The following CFAP92 variants were observed in gnomAD, a reference collection of about 807,000 sequenced individuals.
The protein encoded by CFAP92 is uncharacterized protein CFAP92.
CFAP92 carries 86 observed loss-of-function variants against 106.3 expected under a neutral mutation model. That is an observed-to-expected ratio of 0.81 (90% CI 0.68 to 0.97). The LOEUF (loss-of-function observed/expected upper bound fraction) is 0.97. Ranked by LOEUF, CFAP92 falls within the 50% of genes least tolerant of loss-of-function variation. The pLI is 0.00. For missense variants in CFAP92, 1,204 were observed against 1,283.8 expected (o/e 0.94, Z 0.95); for synonymous variants, 477 against 506.4 (o/e 0.94, Z 0.78).
rs1408781391 is a variant in CFAP92, at chr3:128,915,173, T to G, written c.3226A>C (p.Lys1076Gln). Residue 1076 changes from lysine to glutamine, a missense_variant, in exon 15 of 16, where the codon AAA (lysine) becomes CAA (glutamine). Transcript: ENST00000645291. Reference protein sequence around the residue: ...RHHVDFDLYKKPPPFLELLPS... With the variant: ...RHHVDFDLYKQPPPFLELLPS... ...AGCAGCTCGAGGAAAGGTGGTGGTT[T>G]CTTGTACAGATCAAAGTCCACGTGG... The G allele has an allele frequency of 1.8e-5, 27 of 1,536,174 alleles. No individual in the cohort carries two copies. Among genetic ancestry groups the G allele is most frequent in the Non-Finnish European group, 2.3e-5 (26 of 1,146,926 alleles).
At chr3:128,978,486 G>A (rs1363025648) in intron 4 of CFAP92, among the ~76,000 whole-genome samples, 1 of 152,176 alleles carries the variant, frequency 6.6e-6, no homozygotes, top group African/African-American at 2.4e-5. Context: ...CCAGCACTTT[G>A]AGAGGCTGAA....
At chr3:129,011,507 T>G in the CFAP92 span, among the ~76,000 whole-genome samples, 1 of 150,100 alleles carries the variant, frequency 6.7e-6, no homozygotes, top group East Asian at 2.0e-4. Context: ...GCCAAGATTG[T>G]GCCACTGTAC....
At chr3:128,952,804 G>C (rs1940941017) in intron 9 of CFAP92, among the ~76,000 whole-genome samples, 2 of 152,048 alleles carry the variant, frequency 1.3e-5, no homozygotes, top group Admixed American at 6.6e-5. Flanking sequence ...AAAGTAAATA[G>C]GCCGGGTGCG....
chr3:128,938,548 C>G (rs1204446213), intron 10 of CFAP92, among the ~76,000 whole-genome samples: 1 of 148,542 alleles, frequency 6.7e-6, no homozygotes, highest in East Asian at 2.0e-4. Context: ...GGCTGGAGTA[C>G]AGTGGCGCGA....
In CFAP92 at chr3:128,988,825, A is replaced by G; in HGVS notation, c.356T>C (p.Ile119Thr). 1 of 1,613,740 alleles carries G rather than the reference A, an allele frequency of 6.2e-7. No individual in the cohort carries two copies. The change falls in exon 3 of 16, where the codon ATT becomes ACT. Residue 119 changes from isoleucine to threonine, a missense_variant. By Grantham distance (89) the Ile-to-Thr change is moderately conservative. Transcript: ENST00000645291. ...ATCGTCCGGCAGAAGGAAATACTCA[A>G]TGTGGTAAAAACGACGCATCTTTGT... ...SVTKMRRFYH[I>T]EYFLLPDDEE...
chr3:128,921,836 C>G (rs939361595), intron 12 of CFAP92, among the ~76,000 whole-genome samples: 2 of 152,144 alleles, frequency 1.3e-5, no homozygotes, highest in African/African-American at 4.8e-5. Flanking sequence ...AAACATACAA[C>G]AATTGTCTCC....
At chr3:129,018,735 A>G in the CFAP92 span, among the ~76,000 whole-genome samples, 1 of 152,194 alleles carries the variant, frequency 6.6e-6, no homozygotes, top group Non-Finnish European at 1.5e-5. Flanking sequence ...CCTGCCCTTC[A>G]GGCAGTCCCT....
At chr3:128,978,218 C>G (rs1943287176) in intron 4 of CFAP92, 33 bp from the exon 5 acceptor site, 1 of 1,597,924 alleles carries the variant, frequency 6.3e-7, no homozygotes, top group East Asian at 2.2e-5. Context: ...ATCATTGACT[C>G]AATCAATCCA....
intron 4 of CFAP92, 165 bp from the exon 5 acceptor site, chr3:128,978,350 A>AAC: frequency 1.5e-6 from 1 of 648,690 alleles, no homozygotes; most frequent in Non-Finnish European, 2.6e-6. Flanking sequence ...AGTGCATATA[A>AAC]ATTATGTTTA....
rs376957597 is a variant in CFAP92, at chr3:128,987,652, CG to C, written c.630del (p.Gly211AlafsTer14). 58 of 1,613,984 alleles carry C rather than the reference CG, an allele frequency of 3.6e-5. 1 individual carries two copies. In the East Asian group the frequency reaches 1.1e-3, roughly 30 times the overall value. On this transcript the variant is annotated frameshift_variant, in exon 4 of 16. Transcript: ENST00000645291. LOFTEE classifies it high-confidence loss of function. ...AAAGCTCCCACGTCGTCTGTGAAGC[CG>C]GCAGTCTTTAATCGGTAATATCTGA... ...RKVRYYRLKT[A>X]GFTDDVGAFH...
intron 4 of CFAP92, among the ~76,000 whole-genome samples, chr3:128,980,795 T>C (rs1302147706): frequency 6.6e-6 from 1 of 152,218 alleles, no homozygotes; most frequent in Non-Finnish European, 1.5e-5. Context: ...AATTTGATCA[T>C]GAGACTGCAG....
At chr3:129,004,373 C>G (rs1944969825), upstream of CFAP92, among the ~76,000 whole-genome samples, 1 of 127,464 alleles carries the variant, frequency 7.8e-6, no homozygotes, top group African/African-American at 2.8e-5. Flanking sequence ...CACTCACCCC[C>G]CCCACCCACC....
chr3:128,944,972 C>G, intron 10 of CFAP92, 99 bp downstream of exon 10: 1 of 1,058,592 alleles, frequency 9.4e-7, no homozygotes. Context: ...GACTCACAGA[C>G]AAGGATGCTA....
At chr3:129,018,324 T>C in the CFAP92 span, among the ~76,000 whole-genome samples, 1 of 152,212 alleles carries the variant, frequency 6.6e-6, no homozygotes, top group African/African-American at 2.4e-5. Flanking sequence ...CCCTTATTTT[T>C]ATACAATCCA....
chr3:128,973,168 G>C (rs1576586568), intron 7 of CFAP92, among the ~76,000 whole-genome samples: 1 of 152,328 alleles, frequency 6.6e-6, no homozygotes. Context: ...TAAACACAAA[G>C]CTGGCAGATC....
At chr3:129,002,999 A>C (rs944969960), upstream of CFAP92, among the ~76,000 whole-genome samples, 1 of 152,122 alleles carries the variant, frequency 6.6e-6, no homozygotes, top group African/African-American at 2.4e-5. Context: ...ACACTTAAGC[A>C]CTGTGCCAGC....
intron 5 of CFAP92, among the ~76,000 whole-genome samples, chr3:128,977,528 A>C (rs1290163203): frequency 2.0e-5 from 3 of 152,158 alleles, no homozygotes; most frequent in African/African-American, 4.8e-5. Context: ...CTATTCACTG[A>C]ATTTTCTAAA....
At position 128,993,265 on chromosome 3, in the gene CFAP92, T is replaced by G. The variant is rs887236283; in HGVS notation, c.40A>C (p.Ser14Arg). Residue 14 changes from serine (S) to arginine (R), a missense_variant, in exon 2 of 16, where the codon AGC becomes CGC. Physicochemically the swap from Ser to Arg is moderately radical, Grantham distance 110 (BLOSUM62 -1). Coordinates refer to ENST00000645291, the MANE Select transcript of CFAP92 (RefSeq NM_001394090.1). ...GTGATGGAGGAGATGGGCTCTATGCTTGCGGGGTCCTCTTCCCACTCCCAG... is the reference window on the plus strand; with the variant it reads ...GTGATGGAGGAGATGGGCTCTATGCGTGCGGGGTCCTCTTCCCACTCCCAG... ...HAWEWEEDPASIEPISSITSF... is the reference protein window; with the variant it reads ...HAWEWEEDPARIEPISSITSF... The G allele has an allele frequency of 6.2e-7, 1 of 1,613,920 alleles. No individual in the cohort carries two copies. The highest frequency in any genetic ancestry group is 8.5e-7 in the Non-Finnish European group (1 of 1,179,878).
Position 128,915,173 on chromosome 3 carries a change from T to C in CFAP92, c.3226A>G (p.Lys1076Glu). ...AGCAGCTCGAGGAAAGGTGGTGGTT[T>C]CTTGTACAGATCAAAGTCCACGTGG... is the stretch of plus-strand genomic sequence containing the variant. ...RHHVDFDLYK[K>E]PPPFLELLPS... is the part of the protein sequence containing the mutation. Residue 1076 changes from lysine to glutamate, a missense_variant, in exon 15 of 16, where the codon AAA becomes GAA. Transcript: ENST00000645291. The C allele has an allele frequency of 6.5e-7, 1 of 1,536,174 alleles. No individual in the cohort carries two copies. The highest frequency in any genetic ancestry group is 8.7e-7 in the Non-Finnish European group (1 of 1,146,926).
Sources: gnomAD v4.1 joint callset for allele counts (sites outside exome capture counted in the v4.1 genomes callset) on GRCh38, gnomAD v4.1.1 for gene constraint, MANE v1.5 for transcripts, NCBI Gene and HGNC (gene_info 2026-07-23, HGNC 2026-07-21) for gene names.